Variants in LGALSL observed in about 807,000 individuals in gnomAD.
LGALSL encodes galectin like.
Under a neutral mutation model 19.5 loss-of-function variants are expected in LGALSL, and 13 were observed. The observed-to-expected ratio is 0.67, with a 90% CI of 0.43 to 1.06. The LOEUF (loss-of-function observed/expected upper bound fraction) is 1.06. Ranked by LOEUF, LGALSL falls within the 50% of genes least tolerant of loss-of-function variation. The pLI, the probability that LGALSL is intolerant of heterozygous loss-of-function variation, is 0.00. For synonymous variants in LGALSL, 86 were observed against 78.3 expected, an observed-to-expected ratio of 1.10 and a Z score of -0.52; for missense variants, 189 against 219.3, an observed-to-expected ratio of 0.86 and a Z score of 0.87.
chr2:64,456,523 C>G (rs1465659835), intron 4 of LGALSL, 58 bp downstream of exon 4: 1 of 1,379,312 alleles, frequency 7.2e-7, no homozygotes, highest in African/African-American at 1.5e-5. Context: ...GTTCGACTTA[C>G]CTAGTGTGTG....
rs1345522977 is a variant in LGALSL at position 64,459,256 on chromosome 2, T to TA, written c.*829dup. 6.6e-6 allele frequency: 1 copy of TA among 152,252 alleles called. No homozygotes were observed. The highest frequency in any genetic ancestry group is 1.5e-5 in the Non-Finnish European group (1 of 68,044). 9.4% of individuals were successfully genotyped at this position (152,252 alleles called of 1,614,324 possible). Reference sequence around the variant, plus strand: ...TTCTATTTACATTGCTTTTTCTCCTTACTGGGAATTAGCACATTATTGGCT... The same window carrying TA: ...TTCTATTTACATTGCTTTTTCTCCTTAACTGGGAATTAGCACATTATTGGCT... On this transcript the variant is annotated 3_prime_UTR_variant, in exon 5 of 5. Transcript: ENST00000238875.
In LGALSL at chr2:64,454,979, C is replaced by A. The variant is rs1370532657; in HGVS notation, c.37-365C>A. Reference sequence around the variant, plus strand: ...CGGGGCTCCCGAGAGAAGTTGAGCACGGCCGCTGCACTTCAGTCACGTCCC... The same window carrying A: ...CGGGGCTCCCGAGAGAAGTTGAGCAAGGCCGCTGCACTTCAGTCACGTCCC... On this transcript the variant is annotated intron_variant, in intron 1 of 4. Transcript: ENST00000238875. This position sits in a 1 kb window ranked among gnomAD's most constrained non-coding sequence, Gnocchi z 5.1. Among the ~76,000 whole-genome samples the A allele has an allele frequency of 6.6e-6, 1 of 152,206 alleles. No homozygotes were observed. The highest frequency in any genetic ancestry group is 1.5e-5 in the Non-Finnish European group (1 of 68,026).
rs199688444 is a variant in LGALSL at position 64,455,628 on chromosome 2, C to T, written c.148C>T (p.Pro50Ser). ...FCGHIKGGMRPGKKVLVMGIV... is the reference protein window; with the variant it reads ...FCGHIKGGMRSGKKVLVMGIV... ...TGGGCACATTAAAGGTGGCATGAGACCAGGCAAGAAGGTGTTAGTGATGGG... is the reference window on the plus strand; with the variant it reads ...TGGGCACATTAAAGGTGGCATGAGATCAGGCAAGAAGGTGTTAGTGATGGG... Residue 50 changes from proline (P) to serine (S), a missense_variant, in exon 3 of 5, where the codon CCA (proline) becomes TCA (serine). This residue lies in a region of LGALSL where 21 missense variants were observed against 51.0 expected (regional missense o/e 0.41). Transcript: ENST00000238875. 3.7e-6 allele frequency: 6 copies of T among 1,613,908 alleles called. No homozygotes were observed. Among genetic ancestry groups the T allele is most frequent in the African/African-American group, 1.3e-5 (1 of 74,890 alleles).
Position 64,454,457 on chromosome 2 carries a change from C to A in LGALSL, c.-89C>A. 1 of 709,354 alleles carries A rather than the reference C, an allele frequency of 1.4e-6. No individual in the cohort carries two copies. Among genetic ancestry groups the A allele is most frequent in the Non-Finnish European group, 1.9e-6 (1 of 539,854 alleles). The allele number at this position is 709,354 out of a possible 1,614,324, so 43.9% of individuals were successfully genotyped here. On this transcript the variant is annotated 5_prime_UTR_variant, in exon 1 of 5. Transcript: ENST00000238875. The surrounding 1 kb of genome is among the most constrained non-coding windows in gnomAD (Gnocchi z 5.1). ...CGCGCGCCCGCCGCCAGCTCGGACC[C>A]GCGCCCCCGCCCCCGCCCCGCGCAG...
chr2:64,456,158 C>T, intron 3 of LGALSL, 130 bp from the exon 4 acceptor site: 1 of 698,622 alleles, frequency 1.4e-6, no homozygotes, highest in South Asian at 2.0e-5. Flanking sequence ...CATAATCTAA[C>T]CTCTCTTGAA....
Position 64,460,181 on chromosome 2 carries a change from C to T in LGALSL, c.*1753C>T, listed in dbSNP as rs1364409320. On this transcript the variant is annotated 3_prime_UTR_variant, in exon 5 of 5. Coordinates refer to ENST00000238875, the MANE Select transcript of LGALSL (RefSeq NM_014181.3). ...TCTTCTCAACTTTGAAACTGTTTAG[C>T]ACAGTTCCATTGTATTATATAAGAA... The T allele has an allele frequency of 6.6e-6, 1 of 152,132 alleles. No homozygotes were observed. Among genetic ancestry groups the T allele is most frequent in the African/African-American group, 2.4e-5 (1 of 41,420 alleles). The allele number at this position is 152,132 out of a possible 1,614,324, so 9.4% of individuals were successfully genotyped here.
At position 64,455,586 on chromosome 2, in the gene LGALSL, C is replaced by T; in HGVS notation, c.109-3C>T. 6.2e-7 allele frequency: 1 copy of T among 1,613,266 alleles called. No homozygotes were observed. The highest frequency in any genetic ancestry group is 8.5e-7 in the Non-Finnish European group (1 of 1,179,202). On this transcript the variant is annotated splice_polypyrimidine_tract_variant and splice_region_variant and intron_variant, in intron 2 of 4. Transcript: ENST00000238875. ...TTCATTTTTCTTCTCCCACCCTTTT[C>T]AGATAGTTCCATTTTGTGGGCACAT...
In LGALSL at chr2:64,454,478, C is replaced by T. The variant is rs1234530285; in HGVS notation, c.-68C>T. On this transcript the variant is annotated 5_prime_UTR_variant, in exon 1 of 5. Transcript: ENST00000238875. The surrounding 1 kb of genome is among the most constrained non-coding windows in gnomAD (Gnocchi z 5.1). ...GACCCGCGCCCCCGCCCCCGCCCCG[C>T]GCAGGACAGCCCCGGGATCCCCGCC... is the stretch of plus-strand genomic sequence containing the variant. 2.0e-6 allele frequency: 2 copies of T among 1,008,458 alleles called. No individual in the cohort carries two copies. Among genetic ancestry groups the T allele is most frequent in the East Asian group, 4.2e-5 (1 of 23,946 alleles). The allele number at this position is 1,008,458 out of a possible 1,614,324, so 62.5% of individuals were successfully genotyped here. A position where few individuals can be genotyped will look rare whatever the true frequency, so the allele number is the denominator to read the frequency against.
chr2:64,455,602 G>A lies in LGALSL; in HGVS notation c.122G>A (p.Cys41Tyr), dbSNP rs149147215. 35 of 1,613,668 alleles carry A rather than the reference G, an allele frequency of 2.2e-5. No homozygotes were observed. The highest frequency in any genetic ancestry group is 2.7e-5 in the Non-Finnish European group (32 of 1,179,776). ...CACCCTTTTCAGATAGTTCCATTTT[G>A]TGGGCACATTAAAGGTGGCATGAGA... is the stretch of plus-strand genomic sequence containing the variant. ...VYFPRLIVPFCGHIKGGMRPG... is the reference protein window; with the variant it reads ...VYFPRLIVPFYGHIKGGMRPG... The change falls in exon 3 of 5, where the codon TGT (cysteine) becomes TAT (tyrosine). Residue 41 changes from cysteine (C) to tyrosine (Y), a missense_variant. Cys to Tyr is a radical substitution (Grantham distance 194). Transcript: ENST00000238875.
Position 64,460,097 on chromosome 2 carries a change from A to C in LGALSL, c.*1669A>C, listed in dbSNP as rs968180015. The C allele has an allele frequency of 3.3e-5, 5 of 151,686 alleles. No individual in the cohort carries two copies. The highest frequency in any genetic ancestry group is 7.4e-5 in the Non-Finnish European group (5 of 67,958). 9.4% of individuals were successfully genotyped at this position (151,686 alleles called of 1,614,324 possible). A position where few individuals can be genotyped will look rare whatever the true frequency, so the allele number is the denominator to read the frequency against. ...GTGTCAAGAATGTAGACAGTGTTTC[A>C]GTACCAAAGTCTAAAATAAACTAAA... On this transcript the variant is annotated 3_prime_UTR_variant, in exon 5 of 5. Coordinates refer to ENST00000238875, the MANE Select transcript of LGALSL (RefSeq NM_014181.3).
intron 3 of LGALSL, 22 bp downstream of exon 3, chr2:64,455,699 G>C: frequency 6.4e-7 from 1 of 1,564,822 alleles, no homozygotes. Context: ...TCTTTGTCAG[G>C]ACAGAACTAT....
In LGALSL at chr2:64,455,347, C is replaced by G; in HGVS notation, c.40C>G (p.Leu14Val). 1 of 1,609,526 alleles carries G rather than the reference C, an allele frequency of 6.2e-7. No homozygotes were observed. Among genetic ancestry groups the G allele is most frequent in the South Asian group, 1.1e-5 (1 of 90,992 alleles). The change falls in exon 2 of 5, where the codon CTA becomes GTA. Residue 14 changes from leucine (L) to valine (V), a missense_variant. Leu to Val is a conservative substitution (Grantham distance 32, BLOSUM62 1). Around this residue, in one of 3 missense-constraint regions of LGALSL, gnomAD observed 62 missense variants for 49.0 expected, o/e 1.27. Transcript: ENST00000238875. Reference protein sequence around the residue: ...SVADSDAVVKLDDGHLNNSLS... With the variant: ...SVADSDAVVKVDDGHLNNSLS... ...ATCTGTGTACTTCTATTTTTAGAAA[C>G]TAGATGATGGCCATTTAAACAACTC...
rs970773994 is a variant in LGALSL at position 64,454,816 on chromosome 2, G to A, written c.36+235G>A. On this transcript the variant is annotated intron_variant, in intron 1 of 4. Transcript: ENST00000238875. This position sits in a 1 kb window ranked among gnomAD's most constrained non-coding sequence, Gnocchi z 5.1. ...GGGGAGGGAGTTTGGGGAGGATGGC[G>A]GGTAGGGACGCCCGACAGCCCCCTC... Among the ~76,000 whole-genome samples, 1 of 151,854 alleles carries A rather than the reference G, an allele frequency of 6.6e-6. No individual in the cohort carries two copies. Among genetic ancestry groups the A allele is most frequent in the Non-Finnish European group, 1.5e-5 (1 of 67,928 alleles).
At chr2:64,455,441 G>C in intron 2 of LGALSL, 26 bp downstream of exon 2, 1 of 1,579,924 alleles carries the variant, frequency 6.3e-7, no homozygotes, top group Non-Finnish European at 8.7e-7. Context: ...CTGTGTCTCT[G>C]CCTGTACCTT....
At chr2:64,457,431 AAAAAT>A (rs1458871457) in intron 4 of LGALSL, among the ~76,000 whole-genome samples, 2 of 151,956 alleles carry the variant, frequency 1.3e-5, no homozygotes, top group African/African-American at 4.8e-5. Flanking sequence ...CAAAAAAAAA[AAAAAT>A]AAAGGGAAAT....
In LGALSL at chr2:64,460,491, C is replaced by T. The variant is rs1376256657; in HGVS notation, c.*2063C>T. On this transcript the variant is annotated 3_prime_UTR_variant, in exon 5 of 5. Transcript: ENST00000238875. ...CATTCCCACCCACTGCATAATTCAG[C>T]AGAAACTAGAGGAGCAGGGCGTGTA... 6.6e-6 allele frequency: 1 copy of T among 152,178 alleles called. No homozygotes were observed. 9.4% of individuals were successfully genotyped at this position (152,178 alleles called of 1,614,324 possible).
rs999677617 is a variant in LGALSL, at chr2:64,460,388, C to A, written c.*1960C>A. 9.9e-5 allele frequency: 15 copies of A among 152,146 alleles called. No individual in the cohort carries two copies. Among genetic ancestry groups the A allele is most frequent in the African/African-American group, 3.6e-4 (15 of 41,418 alleles). The allele number at this position is 152,146 out of a possible 1,614,324, so 9.4% of individuals were successfully genotyped here. On this transcript the variant is annotated 3_prime_UTR_variant, in exon 5 of 5. Transcript: ENST00000238875. ...CTAAATTTGAGAGACTTAAAGGGCACCTTGAAATACATTTGTGGAGTTTTG... is the reference window on the plus strand; with the variant it reads ...CTAAATTTGAGAGACTTAAAGGGCAACTTGAAATACATTTGTGGAGTTTTG...
intron 2 of LGALSL, 61 bp from the exon 3 acceptor site, chr2:64,455,528 G>C: frequency 6.6e-7 from 1 of 1,522,518 alleles, no homozygotes; most frequent in Non-Finnish European, 9.1e-7. Context: ...TTCAGGGTCT[G>C]AGGTCTTGGC....
At chr2:64,457,748 C>G (rs1426659424) in intron 4 of LGALSL, among the ~76,000 whole-genome samples, 2 of 152,072 alleles carry the variant, frequency 1.3e-5, no homozygotes, top group Non-Finnish European at 2.9e-5. Flanking sequence ...CACCCTTGAC[C>G]CATTATCTCT....
Sources: allele counts gnomAD v4.1 joint callset (sites outside exome capture counted in the v4.1 genomes callset), GRCh38; gene constraint gnomAD v4.1.1; regional missense constraint gnomAD v4.1.1; non-coding constraint Gnocchi (gnomAD v3.1); transcripts MANE v1.5; gene names NCBI Gene and HGNC (gene_info 2026-07-23, HGNC 2026-07-21).